The following TAFA4 variants were observed in gnomAD, a reference collection of about 807,000 sequenced individuals.
TAFA4 encodes TAFA chemokine like family member 4.
In TAFA4, 20 loss-of-function variants were observed where a neutral mutation model predicts 21.1. The observed-to-expected ratio is 0.95, with a 90% CI of 0.67 to 1.38. The LOEUF (loss-of-function observed/expected upper bound fraction) is 1.38, where lower values mean the gene tolerates loss of function less well. Ranked by LOEUF, TAFA4 falls within the 40% of genes most tolerant of loss-of-function variation. TAFA4 has a pLI of 0.00. For synonymous variants in TAFA4, 71 were observed against 67.4 expected (o/e 1.05, Z -0.26); for missense variants, 211 against 180.9 (o/e 1.17, Z -0.95).
chr3:68,747,033 C>A (rs1389238670), intron 4 of TAFA4, among the ~76,000 whole-genome samples: 1 of 152,200 alleles, frequency 6.6e-6, no homozygotes, highest in Admixed American at 6.5e-5. Flanking sequence ...GGCAAAATCG[C>A]CCCTGGTTGA....
chr3:68,752,729 G>T, intron 4 of TAFA4, 134 bp downstream of exon 4: 8 of 989,024 alleles, frequency 8.1e-6, no homozygotes, highest in Non-Finnish European at 1.1e-5. Context: ...TTGTATTTAT[G>T]TACATTTTTG....
intron 3 of TAFA4, among the ~76,000 whole-genome samples, chr3:68,805,418 T>C (rs1380971534): frequency 6.6e-6 from 1 of 152,200 alleles, no homozygotes; most frequent in Non-Finnish European, 1.5e-5. Context: ...GATCTAGAAC[T>C]AGAAATACCA....
chr3:68,857,646 T>C (rs1234709869), intron 3 of TAFA4, among the ~76,000 whole-genome samples: 1 of 152,158 alleles, frequency 6.6e-6, no homozygotes, highest in South Asian at 2.1e-4. Context: ...TTAATTTTCC[T>C]TGAATGTTAC....
At chr3:68,736,719 T>C (rs1278378831) in intron 5 of TAFA4, among the ~76,000 whole-genome samples, 1 of 152,156 alleles carries the variant, frequency 6.6e-6, no homozygotes, top group East Asian at 1.9e-4. Flanking sequence ...AAGATACTAC[T>C]GGAAGCTAGT....
chr3:68,897,856 A>G (rs1357474915), intron 1 of TAFA4, among the ~76,000 whole-genome samples: 2 of 143,646 alleles, frequency 1.4e-5, no homozygotes, highest in Admixed American at 7.3e-5. Context: ...CCCCCTTGAC[A>G]TGGTTACCTC....
intron 3 of TAFA4, among the ~76,000 whole-genome samples, chr3:68,794,942 C>G (rs768616249): frequency 6.6e-6 from 1 of 150,628 alleles, no homozygotes; most frequent in African/African-American, 2.4e-5. Flanking sequence ...AAAAACATAT[C>G]CTACCAAGTG....
intron 3 of TAFA4, among the ~76,000 whole-genome samples, chr3:68,865,315 T>A (rs553866959): frequency 1.3e-5 from 2 of 152,050 alleles, no homozygotes. Flanking sequence ...CCCAGTGATA[T>A]GGTTTGGCTT....
At chr3:68,760,355 AG>A (rs1702738305) in intron 3 of TAFA4, among the ~76,000 whole-genome samples, 1 of 152,220 alleles carries the variant, frequency 6.6e-6, no homozygotes, top group African/African-American at 2.4e-5. Flanking sequence ...CTATTGTGAA[AG>A]GGACAAAATA....
intron 2 of TAFA4, among the ~76,000 whole-genome samples, chr3:68,884,551 C>T (rs2089651947): frequency 6.6e-6 from 1 of 152,346 alleles, no homozygotes; most frequent in African/African-American, 2.4e-5. Flanking sequence ...ACTCTCCCAT[C>T]ATATGTATAA....
chr3:68,795,392 C>G (rs1703437245), intron 3 of TAFA4, among the ~76,000 whole-genome samples: 1 of 152,198 alleles, frequency 6.6e-6, no homozygotes, highest in South Asian at 2.1e-4. Flanking sequence ...GCCCTACCTT[C>G]CAGCTTCAGC....
intron 3 of TAFA4, among the ~76,000 whole-genome samples, chr3:68,797,516 G>C (rs1703475908): frequency 2.7e-5 from 4 of 150,936 alleles, no homozygotes; most frequent in Admixed American, 2.6e-4. Context: ...GGGAGGCTGA[G>C]GCAGGAGAAT....
At chr3:68,733,226 C>T in intron 5 of TAFA4, 73 bp from the exon 6 acceptor site, 1 of 1,563,430 alleles carries the variant, frequency 6.4e-7, no homozygotes, top group Non-Finnish European at 8.7e-7. Context: ...CCCCCGAGAC[C>T]AATAAGGTCC....
At chr3:68,880,914 T>C in intron 2 of TAFA4, 69 bp from the exon 3 acceptor site, 7 of 1,283,092 alleles carry the variant, frequency 5.5e-6, no homozygotes, top group East Asian at 2.4e-5. Flanking sequence ...AGCACCATTC[T>C]AGGAAGGCGG....
intron 3 of TAFA4, among the ~76,000 whole-genome samples, chr3:68,817,485 G>A (rs867127174): frequency 1.3e-5 from 2 of 152,034 alleles, no homozygotes; most frequent in Admixed American, 6.6e-5. Flanking sequence ...TGTTCTTAGT[G>A]GTATCTAGAA....
intron 3 of TAFA4, among the ~76,000 whole-genome samples, chr3:68,827,457 C>A (rs1449401160): frequency 6.6e-6 from 1 of 152,152 alleles, no homozygotes; most frequent in African/African-American, 2.4e-5. Context: ...TGAGGAATTG[C>A]CACACTGTCT....
At chr3:68,778,464 G>A (rs377568276) in intron 3 of TAFA4, among the ~76,000 whole-genome samples, 1 of 152,178 alleles carries the variant, frequency 6.6e-6, no homozygotes, top group East Asian at 1.9e-4. Flanking sequence ...AGACTGATAT[G>A]GTTTGGCTGT....
chr3:68,864,590 G>A (rs1014471238), intron 3 of TAFA4, among the ~76,000 whole-genome samples: 2 of 152,078 alleles, frequency 1.3e-5, no homozygotes, highest in Non-Finnish European at 2.9e-5. Flanking sequence ...CTTCTCCCAA[G>A]GTAGTTACCA....
At chr3:68,901,708 G>C (rs559296284) in intron 1 of TAFA4, among the ~76,000 whole-genome samples, 2 of 152,254 alleles carry the variant, frequency 1.3e-5, no homozygotes, top group African/African-American at 4.8e-5. Flanking sequence ...AATAGCACTA[G>C]ATCCTTGAAG....
At chr3:68,817,367 C>G (rs1704004642) in intron 3 of TAFA4, among the ~76,000 whole-genome samples, 1 of 152,170 alleles carries the variant, frequency 6.6e-6, no homozygotes, top group East Asian at 1.9e-4. Context: ...GCAGTTACTT[C>G]CTCCACAGAA....
Sources: allele counts gnomAD v4.1 joint callset (sites outside exome capture counted in the v4.1 genomes callset), GRCh38; gene constraint gnomAD v4.1.1; transcripts MANE v1.5; gene names NCBI Gene and HGNC (gene_info 2026-07-23, HGNC 2026-07-21).